The following PABPC3 variants were observed in gnomAD, a reference collection of about 807,000 sequenced individuals.
The protein encoded by PABPC3 is polyadenylate-binding protein 3.
Under a neutral mutation model 43.0 loss-of-function variants are expected in PABPC3, and 43 were observed. That is an observed-to-expected ratio of 1.00 (90% CI 0.78 to 1.29). The LOEUF (loss-of-function observed/expected upper bound fraction) is 1.29, where lower values mean the gene tolerates loss of function less well. Among genes scored for constraint, PABPC3 ranks in the 50% most tolerant of loss-of-function variants. PABPC3 has a pLI of 0.00. For missense variants in PABPC3, 784 were observed against 798.1 expected (o/e 0.98, Z 0.21); for synonymous variants, 221 against 274.6 (o/e 0.80, Z 1.93).
At position 25,097,860 on chromosome 13, in the gene PABPC3, G is replaced by C. The variant is rs749451308; in HGVS notation, c.1662G>C (p.Lys554Asn). 1.2e-6 allele frequency: 2 copies of C among 1,613,982 alleles called. No individual in the cohort carries two copies. The highest frequency in any genetic ancestry group is 3.3e-5 in the Admixed American group (2 of 60,008). ...RLASAPPQKQKQMLGERLFPL... is the reference protein window; with the variant it reads ...RLASAPPQKQNQMLGERLFPL... ...CATCTGCCCCTCCTCAAAAGCAAAAGCAAATGTTAGGTGAACGGCTCTTTC... is the reference window on the plus strand; with the variant it reads ...CATCTGCCCCTCCTCAAAAGCAAAACCAAATGTTAGGTGAACGGCTCTTTC... The change falls in exon 1 of 1, where the codon AAG becomes AAC. Residue 554 changes from lysine to asparagine, a missense_variant. Transcript: ENST00000281589.
In PABPC3 at chr13:25,096,182, G is replaced by A. The variant is rs1343954712; in HGVS notation, c.-17G>A. On this transcript the variant is annotated 5_prime_UTR_variant, in exon 1 of 1. Coordinates refer to ENST00000281589, the MANE Select transcript of PABPC3 (RefSeq NM_030979.3). ...GAAAGGTCGCGGCTTGTGTGCCTGC[G>A]GGCAGCCGTGCCGAGAATGAACCCC... is the stretch of plus-strand genomic sequence containing the variant. 1.9e-6 allele frequency: 3 copies of A among 1,600,890 alleles called. No homozygotes were observed. Among genetic ancestry groups the A allele is most frequent in the Non-Finnish European group, 2.6e-6 (3 of 1,172,240 alleles).
chr13:25,098,363 A>C lies in PABPC3; in HGVS notation c.*269A>C. The C allele has an allele frequency of 2.8e-6, 1 of 357,842 alleles. No individual in the cohort carries two copies. Among genetic ancestry groups the C allele is most frequent in the Admixed American group, 4.5e-5 (1 of 22,050 alleles). 22.2% of individuals were successfully genotyped at this position (357,842 alleles called of 1,614,324 possible). ...AAACAAAAAATCGTAAAATACAAAAACCAGTTAATGTTTTGTAGACCCTGG... is the reference window on the plus strand; with the variant it reads ...AAACAAAAAATCGTAAAATACAAAACCCAGTTAATGTTTTGTAGACCCTGG... On this transcript the variant is annotated 3_prime_UTR_variant, in exon 1 of 1. Coordinates refer to ENST00000281589, the MANE Select transcript of PABPC3 (RefSeq NM_030979.3).
chr13:25,096,607 T>C lies in PABPC3; in HGVS notation c.409T>C (p.Ser137Pro), dbSNP rs151229816. ...SCNVVCDENGSKGYGFVHFET... is the reference protein window; with the variant it reads ...SCNVVCDENGPKGYGFVHFET... Reference sequence around the variant, plus strand: ...TAACGTGGTTTGTGATGAAAATGGTTCCAAGGGTTATGGATTTGTACACTT... The same window carrying C: ...TAACGTGGTTTGTGATGAAAATGGTCCCAAGGGTTATGGATTTGTACACTT... Residue 137 changes from serine to proline, a missense_variant, in exon 1 of 1, where the codon TCC becomes CCC. Coordinates refer to ENST00000281589, the MANE Select transcript of PABPC3 (RefSeq NM_030979.3). The C allele has an allele frequency of 6.2e-7, 1 of 1,614,150 alleles. No homozygotes were observed. The highest frequency in any genetic ancestry group is 1.3e-5 in the African/African-American group (1 of 74,954).
Position 25,096,299 on chromosome 13 carries a change from C to T in PABPC3, c.101C>T (p.Ala34Val). 1 of 1,614,260 alleles carries T rather than the reference C, an allele frequency of 6.2e-7. No homozygotes were observed. The highest frequency in any genetic ancestry group is 1.3e-5 in the African/African-American group (1 of 75,064). ...EAMLYEKFSP[A>V]GPILSIRICR... ...ATGCTCTACGAGAAGTTCAGCCCGG[C>T]AGGGCCCATCCTCTCCATCCGGATC... Residue 34 changes from alanine to valine, a missense_variant, in exon 1 of 1, where the codon GCA (alanine) becomes GTA (valine). By Grantham distance (64) the Ala-to-Val change is moderately conservative. Transcript: ENST00000281589.
rs1956052394 is a variant in PABPC3, at chr13:25,097,676, CTGCTGCAGCTACCCCTGCTGT to C, written c.1479_1499del (p.Ala494_Val500del). ...GGTCCACGTCCTGCAGCTGCTGCTGCTGCTGCAGCTACCCCTGCTGTGCGCACGGTTCCACGGTATAAATAT... is the reference window on the plus strand; with the variant it reads ...GGTCCACGTCCTGCAGCTGCTGCTGCGCGCACGGTTCCACGGTATAAATAT... On this transcript the variant is annotated inframe_deletion, in exon 1 of 1. Transcript: ENST00000281589. 2 of 1,610,796 alleles carry C rather than the reference CTGCTGCAGCTACCCCTGCTGT, an allele frequency of 1.2e-6. No homozygotes were observed. Among genetic ancestry groups the C allele is most frequent in the South Asian group, 2.2e-5 (2 of 91,088 alleles).
rs1956061244 is a variant in PABPC3 at position 25,098,448 on chromosome 13, T to C, written c.*354T>C. 1 of 216,980 alleles carries C rather than the reference T, an allele frequency of 4.6e-6. No homozygotes were observed. The highest frequency in any genetic ancestry group is 9.0e-5 in the South Asian group (1 of 11,114). 13.4% of individuals were successfully genotyped at this position (216,980 alleles called of 1,614,324 possible). On this transcript the variant is annotated 3_prime_UTR_variant, in exon 1 of 1. Coordinates refer to ENST00000281589, the MANE Select transcript of PABPC3 (RefSeq NM_030979.3). The stretch of plus-strand genomic sequence containing the variant: ...GCATTCCTTTAATTTTTTAATTCTT[T>C]ACTGTGGAATAGCTCAAAATGTCCA...
In PABPC3 at chr13:25,097,535, G is replaced by C. The variant is rs758409037; in HGVS notation, c.1337G>C (p.Ser446Thr). Residue 446 changes from serine (S) to threonine (T), a missense_variant, in exon 1 of 1, where the codon AGT becomes ACT. Coordinates refer to ENST00000281589, the MANE Select transcript of PABPC3 (RefSeq NM_030979.3). ...ARPHPFQNKP[S>T]AIRPGAPRVP... ...CCTCATCCATTCCAAAATAAGCCCA[G>C]TGCTATCCGCCCAGGTGCTCCTAGA... The C allele has an allele frequency of 1.2e-6, 2 of 1,614,218 alleles. No homozygotes were observed. The highest frequency in any genetic ancestry group is 1.7e-5 in the Admixed American group (1 of 60,014).
Position 25,096,538 on chromosome 13 carries a change from G to C in PABPC3, c.340G>C (p.Ala114Pro). ...KNLDKSINNK[A>P]LYDTVSAFGN... Reference sequence around the variant, plus strand: ...TCTGGATAAGTCCATTAATAATAAAGCACTGTATGATACAGTTTCTGCTTT... The same window carrying C: ...TCTGGATAAGTCCATTAATAATAAACCACTGTATGATACAGTTTCTGCTTT... Residue 114 changes from alanine to proline, a missense_variant, in exon 1 of 1, where the codon GCA (alanine) becomes CCA (proline). Coordinates refer to ENST00000281589, the MANE Select transcript of PABPC3 (RefSeq NM_030979.3). 2 of 1,564,246 alleles carry C rather than the reference G, an allele frequency of 1.3e-6. No homozygotes were observed. The highest frequency in any genetic ancestry group is 1.7e-6 in the Non-Finnish European group (2 of 1,160,466).
At chr13:25,096,258 CGACGTGA>C in the PABPC3 span, 1 of 1,614,246 alleles carries the variant, frequency 6.2e-7, no homozygotes, top group Non-Finnish European at 8.5e-7. Flanking sequence ...ACCTCCACCC[CGACGTGA>C]CTGAGGCGAT....
At position 25,096,150 on chromosome 13, in the gene PABPC3, T is replaced by C. The variant is rs752819884; in HGVS notation, c.-49T>C. On this transcript the variant is annotated 5_prime_UTR_variant, in exon 1 of 1. Transcript: ENST00000281589. ...CCGGCCCCGGCACGCGCTCTACTCC[T>C]GTAACGGAAAGGTCGCGGCTTGTGT... 1 of 1,571,002 alleles carries C rather than the reference T, an allele frequency of 6.4e-7. No homozygotes were observed.
At position 25,096,309 on chromosome 13, in the gene PABPC3, C is replaced by T. The variant is rs45437498; in HGVS notation, c.111C>T (p.Ile37=). ...AGAAGTTCAGCCCGGCAGGGCCCAT[C>T]CTCTCCATCCGGATCTGCAGGGACT... ...LYEKFSPAGP[I]LSIRICRDLI... Residue 37 remains isoleucine (I), a synonymous_variant, in exon 1 of 1, where the codon ATC becomes ATT. Transcript: ENST00000281589. The T allele has an allele frequency of 7.1e-5, 115 of 1,614,244 alleles. No individual in the cohort carries two copies. The highest frequency in any genetic ancestry group is 9.2e-5 in the Non-Finnish European group (108 of 1,180,038).
chr13:25,097,613 C>T lies in PABPC3; in HGVS notation c.1415C>T (p.Ser472Leu). The T allele has an allele frequency of 2.5e-6, 4 of 1,614,240 alleles. No individual in the cohort carries two copies. The highest frequency in any genetic ancestry group is 2.5e-6 in the Non-Finnish European group (3 of 1,180,038). ...TCTTCACAGGTTCCACGAGTCATGTCAACGCAGCGTGTTGCTAACACATCA... is the reference window on the plus strand; with the variant it reads ...TCTTCACAGGTTCCACGAGTCATGTTAACGCAGCGTGTTGCTAACACATCA... ...PASSQVPRVM[S>L]TQRVANTSTQ... Residue 472 changes from serine (S) to leucine (L), a missense_variant, in exon 1 of 1, where the codon TCA (serine) becomes TTA (leucine). Ser to Leu is a moderately radical substitution (Grantham distance 145). Coordinates refer to ENST00000281589, the MANE Select transcript of PABPC3 (RefSeq NM_030979.3).
Position 25,096,240 on chromosome 13 carries a change from C to T in PABPC3, c.42C>T (p.Tyr14=). ...STPSYPTASL[Y]VGDLHPDVTE... Reference sequence around the variant, plus strand: ...CCAGCTACCCAACGGCCTCGCTCTACGTGGGGGACCTCCACCCCGACGTGA... The same window carrying T: ...CCAGCTACCCAACGGCCTCGCTCTATGTGGGGGACCTCCACCCCGACGTGA... The change falls in exon 1 of 1, where the codon TAC becomes TAT. Residue 14 remains tyrosine (Y), a synonymous_variant. Coordinates refer to ENST00000281589, the MANE Select transcript of PABPC3 (RefSeq NM_030979.3). The T allele has an allele frequency of 6.2e-7, 1 of 1,614,230 alleles. No homozygotes were observed. The highest frequency in any genetic ancestry group is 8.5e-7 in the Non-Finnish European group (1 of 1,180,038).
In PABPC3 at chr13:25,097,390, C is replaced by T; in HGVS notation, c.1192C>T (p.Pro398Ser). ...SVRAVPNQRA[P>S]PSGYFMTAVP... The stretch of plus-strand genomic sequence containing the variant: ...ACGAGCTGTGCCCAACCAGCGAGCA[C>T]CTCCTTCAGGTTACTTCATGACAGC... Residue 398 changes from proline to serine, a missense_variant, in exon 1 of 1, where the codon CCT becomes TCT. Transcript: ENST00000281589. 2 of 1,614,042 alleles carry T rather than the reference C, an allele frequency of 1.2e-6. No homozygotes were observed. The highest frequency in any genetic ancestry group is 1.1e-5 in the South Asian group (1 of 91,074).
Position 25,097,814 on chromosome 13 carries a change from C to T in PABPC3, c.1616C>T (p.Thr539Ile), listed in dbSNP as rs1381696764. 6.2e-7 allele frequency: 1 copy of T among 1,614,058 alleles called. No homozygotes were observed. The highest frequency in any genetic ancestry group is 8.5e-7 in the Non-Finnish European group (1 of 1,179,938). The change falls in exon 1 of 1, where the codon ACT becomes ATT. Residue 539 changes from threonine to isoleucine, a missense_variant. By Grantham distance (89) the Thr-to-Ile change is moderately conservative. Coordinates refer to ENST00000281589, the MANE Select transcript of PABPC3 (RefSeq NM_030979.3). ...QLAVHVQGQE[T>I]LTASRLASAP... ...GCTGTTCATGTACAAGGTCAGGAAA[C>T]TTTGACTGCCTCCAGGTTGGCATCT...
In PABPC3 at chr13:25,097,154, C is replaced by A; in HGVS notation, c.956C>A (p.Thr319Lys). The A allele has an allele frequency of 4.0e-6, 6 of 1,503,356 alleles. No individual in the cohort carries two copies. Among genetic ancestry groups the A allele is most frequent in the Non-Finnish European group, 5.5e-6 (6 of 1,089,074 alleles). The allele number at this position is 1,503,356 out of a possible 1,614,324, so 93.1% of individuals were successfully genotyped here. A position where few individuals can be genotyped will look rare whatever the true frequency, so the allele number is the denominator to read the frequency against. The change falls in exon 1 of 1, where the codon ACA becomes AAA. Residue 319 changes from threonine to lysine, a missense_variant. Physicochemically the swap from Thr to Lys is moderately conservative, Grantham distance 78. Coordinates refer to ENST00000281589, the MANE Select transcript of PABPC3 (RefSeq NM_030979.3). ...RLRKAFSPFG[T>K]ITSAKVMMEG... ...CGGAAAGCGTTTTCTCCATTTGGTACAATCACTAGTGCAAAGGTTATGATG... is the reference window on the plus strand; with the variant it reads ...CGGAAAGCGTTTTCTCCATTTGGTAAAATCACTAGTGCAAAGGTTATGATG...
At position 25,097,885 on chromosome 13, in the gene PABPC3, C is replaced by A; in HGVS notation, c.1687C>A (p.Pro563Thr). 6.2e-7 allele frequency: 1 copy of A among 1,614,002 alleles called. No homozygotes were observed. Among genetic ancestry groups the A allele is most frequent in the South Asian group, 1.1e-5 (1 of 91,078 alleles). Residue 563 changes from proline to threonine, a missense_variant, in exon 1 of 1, where the codon CCT becomes ACT. By Grantham distance (38) the Pro-to-Thr change is conservative. Transcript: ENST00000281589. ...QKQMLGERLF[P>T]LIQAMHPTLA... is the part of the protein sequence containing the mutation. ...GCAAATGTTAGGTGAACGGCTCTTT[C>A]CTCTTATTCAAGCCATGCACCCTAC... is the stretch of plus-strand genomic sequence containing the variant.
Position 25,096,285 on chromosome 13 carries a change from G to C in PABPC3, c.87G>C (p.Glu29Asp). 6.2e-7 allele frequency: 1 copy of C among 1,610,586 alleles called. No individual in the cohort carries two copies. The highest frequency in any genetic ancestry group is 8.5e-7 in the Non-Finnish European group (1 of 1,178,728). Residue 29 changes from glutamate to aspartate, a missense_variant, in exon 1 of 1, where the codon GAG becomes GAC. Glu to Asp is a conservative substitution (Grantham distance 45). Coordinates refer to ENST00000281589, the MANE Select transcript of PABPC3 (RefSeq NM_030979.3). ...HPDVTEAMLY[E>D]KFSPAGPILS... ...ACGTGACTGAGGCGATGCTCTACGA[G>C]AAGTTCAGCCCGGCAGGGCCCATCC...
rs758508491 is a variant in PABPC3, at chr13:25,097,969, A to C, written c.1771A>C (p.Met591Leu). Residue 591 changes from methionine to leucine, a missense_variant, in exon 1 of 1, where the codon ATG becomes CTG. By Grantham distance (15) the Met-to-Leu change is conservative. Transcript: ENST00000281589. ...LEIDNSELLY[M>L]LESPESLRSK... Reference sequence around the variant, plus strand: ...GATTGATAATTCAGAACTTCTTTATATGCTCGAGTCTCCAGAGTCACTCCG... The same window carrying C: ...GATTGATAATTCAGAACTTCTTTATCTGCTCGAGTCTCCAGAGTCACTCCG... 6 of 1,613,984 alleles carry C rather than the reference A, an allele frequency of 3.7e-6. No individual in the cohort carries two copies. The South Asian group carries it at 6.6e-5, about 18-fold the overall frequency.
Sources: allele counts gnomAD v4.1 joint callset, GRCh38; gene constraint gnomAD v4.1.1; transcripts MANE v1.5; gene names NCBI Gene and HGNC (gene_info 2026-07-23, HGNC 2026-07-21).